The following KLHL32 variants were observed in gnomAD, a reference collection of about 807,000 sequenced individuals.
KLHL32 encodes the protein kelch-like protein 32.
A neutral mutation model predicts 64.8 loss-of-function variants in KLHL32; 35 were observed. That is an observed-to-expected ratio of 0.54 (90% CI 0.41 to 0.72). The LOEUF (loss-of-function observed/expected upper bound fraction) is 0.72. Ranked by LOEUF, KLHL32 falls within the 30% of genes least tolerant of loss-of-function variation. The pLI is 0.00. For synonymous variants in KLHL32, 259 were observed against 281.0 expected, an observed-to-expected ratio of 0.92 and a Z score of 0.78; for missense variants, 589 against 768.5, an observed-to-expected ratio of 0.77 and a Z score of 2.76.
chr6:96,996,819 T>G (rs776852351), intron 3 of KLHL32, among the ~76,000 whole-genome samples: 1 of 152,180 alleles, frequency 6.6e-6, no homozygotes, highest in African/African-American at 2.4e-5. Flanking sequence ...GAGAAACTTG[T>G]AAGATGGGTA....
At chr6:96,986,855 G>C (rs950227504) in intron 3 of KLHL32, among the ~76,000 whole-genome samples, 1 of 152,176 alleles carries the variant, frequency 6.6e-6, no homozygotes, top group African/African-American at 2.4e-5. Flanking sequence ...TTCAGCTCAT[G>C]CTTGGTGCAC....
chr6:97,099,297 G>A (rs147018080), intron 6 of KLHL32, among the ~76,000 whole-genome samples: 214 of 152,300 alleles, frequency 1.4e-3, no homozygotes, highest in Admixed American at 3.3e-3. Flanking sequence ...GCCTGTGCTG[G>A]CCATGCTTCT....
At chr6:97,098,670 A>G (rs1489477942) in intron 6 of KLHL32, among the ~76,000 whole-genome samples, 1 of 152,198 alleles carries the variant, frequency 6.6e-6, no homozygotes, top group East Asian at 1.9e-4. Context: ...CCCTTATTTA[A>G]TGAACAGTTC....
In KLHL32 at chr6:97,065,296, G is replaced by A. The variant is rs115802444; in HGVS notation, c.411+570G>A. 3.9e-3 allele frequency among the ~76,000 whole-genome samples: 589 copies of A among 152,326 alleles called. 9 individuals carry two copies. The highest frequency in any genetic ancestry group is 0.013 in the African/African-American group (560 of 41,574). On this transcript the variant is annotated intron_variant, in intron 5 of 10. Transcript: ENST00000369261. ...AACCCCCGAACACCAAGCACTGACTGTGTGTTCACAGTTGTTTCACATTCA... is the reference window on the plus strand; with the variant it reads ...AACCCCCGAACACCAAGCACTGACTATGTGTTCACAGTTGTTTCACATTCA...
chr6:97,099,395 C>T (rs1795403464), intron 6 of KLHL32, among the ~76,000 whole-genome samples: 1 of 152,236 alleles, frequency 6.6e-6, no homozygotes, highest in Non-Finnish European at 1.5e-5. Context: ...CCTTGCTCTT[C>T]CTCCTAATCT....
Position 97,016,385 on chromosome 6 carries a change from G to A in KLHL32, c.205-25107G>A, listed in dbSNP as rs189217193. ...GTGTGCCTTAGATGTGAGACATGGCGTCAAAGGAGATCATTTTGGAACTTT... is the reference window on the plus strand; with the variant it reads ...GTGTGCCTTAGATGTGAGACATGGCATCAAAGGAGATCATTTTGGAACTTT... On this transcript the variant is annotated intron_variant, in intron 3 of 10. Coordinates refer to ENST00000369261, the MANE Select transcript of KLHL32 (RefSeq NM_052904.4). Among the ~76,000 whole-genome samples the A allele has an allele frequency of 2.0e-3, 302 of 152,348 alleles. 5 individuals carry two copies. The highest frequency in any genetic ancestry group is 6.7e-3 in the African/African-American group (279 of 41,576).
At position 97,063,097 on chromosome 6, in the gene KLHL32, C is replaced by A. The variant is rs113574493; in HGVS notation, c.313-1531C>A. Among the ~76,000 whole-genome samples the A allele has an allele frequency of 7.4e-3, 1,121 of 152,214 alleles. 13 individuals are homozygous for A. The highest frequency in any genetic ancestry group is 0.024 in the African/African-American group (1,007 of 41,514). On this transcript the variant is annotated intron_variant, in intron 4 of 10. Transcript: ENST00000369261. Reference sequence around the variant, plus strand: ...CTGAATAAAAACAGTGACATGATTTCATTTGTGGTTTTAAAGAACCAGTCT... The same window carrying A: ...CTGAATAAAAACAGTGACATGATTTAATTTGTGGTTTTAAAGAACCAGTCT...
intron 5 of KLHL32, among the ~76,000 whole-genome samples, chr6:97,071,248 G>T (rs1009874102): frequency 6.6e-6 from 1 of 151,946 alleles, no homozygotes; most frequent in African/African-American, 2.4e-5. Context: ...TCCAACAAAG[G>T]TCACCAAAGC....
At chr6:97,021,630 A>G (rs1781999406) in intron 3 of KLHL32, among the ~76,000 whole-genome samples, 1 of 150,952 alleles carries the variant, frequency 6.6e-6, no homozygotes, top group Non-Finnish European at 1.5e-5. Context: ...GTAATGTTTT[A>G]CCAAATATCT....
intron 3 of KLHL32, among the ~76,000 whole-genome samples, chr6:96,978,815 T>C (rs2128046815): frequency 6.6e-6 from 1 of 152,350 alleles, no homozygotes; most frequent in South Asian, 2.1e-4. Context: ...TGCTATTTTT[T>C]TACTTTTTAA....
chr6:97,025,024 G>A (rs1266691740), intron 3 of KLHL32: 1 of 985,056 alleles, frequency 1.0e-6, no homozygotes, highest in African/African-American at 1.7e-5. Flanking sequence ...TCATCCAAAA[G>A]AAGACCACAT....
chr6:97,112,074 A>G (rs1797223706), intron 6 of KLHL32, among the ~76,000 whole-genome samples: 1 of 152,158 alleles, frequency 6.6e-6, no homozygotes, highest in South Asian at 2.1e-4. Flanking sequence ...AAAAGTCAAC[A>G]TTCCAGCATG....
intron 1 of KLHL32, among the ~76,000 whole-genome samples, chr6:96,943,732 T>G (rs188856538): frequency 1.3e-5 from 2 of 152,342 alleles, no homozygotes; most frequent in East Asian, 3.9e-4. Context: ...CTTTTCCAGT[T>G]AAACACTTCG....
chr6:97,113,316 A>G (rs944565205), intron 6 of KLHL32, among the ~76,000 whole-genome samples: 1 of 152,110 alleles, frequency 6.6e-6, no homozygotes, highest in East Asian at 1.9e-4. Flanking sequence ...GTGGTCTCAG[A>G]TGATCACATA....
chr6:96,957,572 A>C (rs910482357), intron 1 of KLHL32, among the ~76,000 whole-genome samples: 1 of 152,200 alleles, frequency 6.6e-6, no homozygotes, highest in Non-Finnish European at 1.5e-5. Context: ...AAAAATTTTC[A>C]TAGCAATATT....
intron 1 of KLHL32, among the ~76,000 whole-genome samples, chr6:96,939,416 C>T (rs772476394): frequency 1.3e-4 from 20 of 152,254 alleles, no homozygotes; most frequent in Admixed American, 5.2e-4. Flanking sequence ...ATTTATCACA[C>T]GATCTCACAA....
At chr6:97,033,424 C>T (rs1783862046) in intron 3 of KLHL32, among the ~76,000 whole-genome samples, 1 of 152,048 alleles carries the variant, frequency 6.6e-6, no homozygotes, top group South Asian at 2.1e-4. Context: ...ATCCATTCAT[C>T]CGTTGAGGGA....
chr6:97,127,497 T>A, intron 8 of KLHL32, 35 bp downstream of exon 8: 1 of 1,503,872 alleles, frequency 6.6e-7, no homozygotes, highest in Non-Finnish European at 9.2e-7. Flanking sequence ...ATTATCTTAA[T>A]TAATGAATTT....
chr6:97,080,045 T>A (rs1214718774), intron 5 of KLHL32, among the ~76,000 whole-genome samples: 1 of 152,216 alleles, frequency 6.6e-6, no homozygotes, highest in Non-Finnish European at 1.5e-5. Context: ...TAAAATCTTT[T>A]GATCTAAGTA....
Sources: gnomAD v4.1 joint callset for allele counts (sites outside exome capture counted in the v4.1 genomes callset) on GRCh38, gnomAD v4.1.1 for gene constraint, MANE v1.5 for transcripts, NCBI Gene and HGNC (gene_info 2026-07-23, HGNC 2026-07-21) for gene names.